DPP6: variants seen among roughly 807,000 people sequenced by gnomAD.
DPP6 encodes dipeptidyl peptidase like 6.
DPP6 carries 69 observed loss-of-function variants against 122.6 expected under a neutral mutation model. The observed-to-expected ratio is 0.56, with a 90% confidence interval of 0.46 to 0.69. The LOEUF is 0.69. DPP6 is among the 30% of genes least tolerant of loss of function. The probability of loss-of-function intolerance (pLI) is 0.00; values close to 1 mark genes in which losing one functional copy is unlikely to be tolerated. For synonymous variants in DPP6, 418 were observed against 433.1 expected, an observed-to-expected ratio of 0.97 and a Z score of 0.43; for missense variants, 928 against 1,116.9, an observed-to-expected ratio of 0.83 and a Z score of 2.41.
At chr7:154,480,994 G>A (rs1387268374) in intron 3 of DPP6, among the ~76,000 whole-genome samples, 2 of 152,010 alleles carry the variant, frequency 1.3e-5, no homozygotes, top group African/African-American at 2.4e-5. Context: ...TAGCCTCCAC[G>A]TGATGTTTGG....
intron 1 of DPP6, among the ~76,000 whole-genome samples, chr7:153,987,591 A>G (rs71530443): frequency 6.6e-5 from 10 of 151,982 alleles, no homozygotes; most frequent in South Asian, 4.2e-4. Flanking sequence ...CTAAATGTCA[A>G]TCTCATTCCA....
intron 19 of DPP6, among the ~76,000 whole-genome samples, chr7:154,874,623 G>A (rs1804694701): frequency 6.6e-6 from 1 of 152,184 alleles, no homozygotes; most frequent in South Asian, 2.1e-4. Flanking sequence ...GCCGCTCCTG[G>A]CCCGCTCCTC....
chr7:154,424,951 G>GT (rs1444230180), intron 1 of DPP6, among the ~76,000 whole-genome samples: 1 of 152,218 alleles, frequency 6.6e-6, no homozygotes, highest in East Asian at 1.9e-4. Flanking sequence ...TTGCTTTGCC[G>GT]TGGTTATTGC....
At chr7:154,302,774 C>T (rs1480093291) in intron 1 of DPP6, among the ~76,000 whole-genome samples, 1 of 152,178 alleles carries the variant, frequency 6.6e-6, no homozygotes, top group Non-Finnish European at 1.5e-5. Context: ...GCTGAGCATT[C>T]CCTGTGGTAC....
chr7:154,357,304 A>C (rs1811349098), intron 1 of DPP6, among the ~76,000 whole-genome samples: 2 of 149,966 alleles, frequency 1.3e-5, no homozygotes, highest in African/African-American at 4.9e-5. Flanking sequence ...AATTGAAAAT[A>C]AGATTCATTT....
intron 3 of DPP6, among the ~76,000 whole-genome samples, chr7:154,485,694 C>T (rs1198816726): frequency 6.6e-6 from 1 of 152,156 alleles, no homozygotes; most frequent in Non-Finnish European, 1.5e-5. Flanking sequence ...CCAGCAGCAG[C>T]GGAAGCAATA....
the DPP6 span, among the ~76,000 whole-genome samples, chr7:153,880,553 T>G: frequency 6.6e-6 from 1 of 152,004 alleles, no homozygotes; most frequent in African/African-American, 2.4e-5. Flanking sequence ...AACTGAAGAG[T>G]TAAAATAGTT....
chr7:154,057,719 C>A (rs1372055733), intron 1 of DPP6: 1 of 150,530 alleles, frequency 6.6e-6, no homozygotes. Flanking sequence ...AATGGGGATC[C>A]CGACAACAGC....
At chr7:154,718,488 C>T (rs1297448929) in intron 7 of DPP6, among the ~76,000 whole-genome samples, 1 of 151,984 alleles carries the variant, frequency 6.6e-6, no homozygotes, top group East Asian at 1.9e-4. Flanking sequence ...AATAAAACTT[C>T]TAAATGAAAA....
intron 1 of DPP6, among the ~76,000 whole-genome samples, chr7:154,400,221 C>T (rs1313904727): frequency 6.6e-6 from 1 of 152,170 alleles, no homozygotes; most frequent in Non-Finnish European, 1.5e-5. Flanking sequence ...CGCCTCCTGA[C>T]TCTCACTGGC....
At chr7:153,910,339 C>T (rs1290970055) in intron 1 of DPP6, among the ~76,000 whole-genome samples, 1 of 151,720 alleles carries the variant, frequency 6.6e-6, no homozygotes, top group East Asian at 2.0e-4. Context: ...AAGCACTTCT[C>T]CTGCCTCAGA....
intron 1 of DPP6, among the ~76,000 whole-genome samples, chr7:154,230,120 TGCACCCTCCTCC>T (rs904277100): frequency 6.6e-6 from 1 of 152,066 alleles, no homozygotes; most frequent in African/African-American, 2.4e-5. Context: ...TTTCCTTCTC[TGCACCCTCCTCC>T]GCACCCTCCT....
At chr7:154,023,398 C>T (rs1395689959) in intron 1 of DPP6, among the ~76,000 whole-genome samples, 2 of 149,190 alleles carry the variant, frequency 1.3e-5, no homozygotes, top group African/African-American at 2.5e-5. Context: ...TAATAAGGGG[C>T]ATGTTGCTCT....
At chr7:154,479,725 C>A (rs1823088475) in intron 3 of DPP6, among the ~76,000 whole-genome samples, 1 of 152,038 alleles carries the variant, frequency 6.6e-6, no homozygotes, top group Non-Finnish European at 1.5e-5. Context: ...ACTTCTTAAC[C>A]TTTTGGAGCC....
At chr7:153,792,793 A>G in the DPP6 span, among the ~76,000 whole-genome samples, 5 of 151,708 alleles carry the variant, frequency 3.3e-5, no homozygotes. Context: ...CAGAAGTCCC[A>G]TGTGTTGTGG....
rs902973491 is a variant in DPP6, at chr7:154,875,645, G to A, written c.1884-261G>A. Reference sequence around the variant, plus strand: ...ACCAAATAGATGCTTTTTGGTGGCCGTCCCAGACAGCGCCGGTGTGTGTAG... The same window carrying A: ...ACCAAATAGATGCTTTTTGGTGGCCATCCCAGACAGCGCCGGTGTGTGTAG... On this transcript the variant is annotated intron_variant, in intron 19 of 25. Coordinates refer to ENST00000377770, the MANE Select transcript of DPP6 (RefSeq NM_130797.4). The surrounding 1 kb of genome is among the most constrained non-coding windows in gnomAD (Gnocchi z 4.5). Among the ~76,000 whole-genome samples the A allele has an allele frequency of 2.0e-5, 3 of 152,134 alleles. No homozygotes were observed. Among genetic ancestry groups the A allele is most frequent in the Non-Finnish European group, 4.4e-5 (3 of 68,018 alleles).
At chr7:154,696,760 G>A (rs769234402) in intron 7 of DPP6, among the ~76,000 whole-genome samples, 1 of 152,206 alleles carries the variant, frequency 6.6e-6, no homozygotes, top group African/African-American at 2.4e-5. Context: ...GCGTGATGCC[G>A]TGTTAGCCTT....
intron 1 of DPP6, among the ~76,000 whole-genome samples, chr7:154,091,225 A>G (rs1031800832): frequency 6.6e-6 from 1 of 152,102 alleles, no homozygotes; most frequent in African/African-American, 2.4e-5. Flanking sequence ...GGAAAGAAAC[A>G]GAGCCTGTGA....
rs1395943750 is a variant in DPP6 at position 154,241,014 on chromosome 7, A to G, written c.243+187951A>G. 6.6e-6 allele frequency among the ~76,000 whole-genome samples: 1 copy of G among 152,196 alleles called. No individual in the cohort carries two copies. The highest frequency in any genetic ancestry group is 1.9e-4 in the East Asian group (1 of 5,198). ...TTAAGGAATTCAACCTAAGAATAGT[A>G]GGCCAGCTCATTCTCAGTCATTATG... On this transcript the variant is annotated intron_variant, in intron 1 of 25. Transcript: ENST00000377770. The surrounding 1 kb of genome is among the most constrained non-coding windows in gnomAD (Gnocchi z 9.0).
Sources: gnomAD v4.1 joint callset for allele counts (sites outside exome capture counted in the v4.1 genomes callset) on GRCh38, gnomAD v4.1.1 for gene constraint, Gnocchi (gnomAD v3.1) non-coding constraint, MANE v1.5 for transcripts, NCBI Gene and HGNC (gene_info 2026-07-23, HGNC 2026-07-21) for gene names.